The following SRFBP1 variants were observed in gnomAD, a reference collection of about 807,000 sequenced individuals.
SRFBP1 encodes serum response factor-binding protein 1.
Under a neutral mutation model 45.5 loss-of-function variants are expected in SRFBP1, and 47 were observed. The observed-to-expected ratio is 1.03, with a 90% CI of 0.82 to 1.32. The LOEUF is 1.32. Ranked by LOEUF, SRFBP1 falls within the 40% of genes most tolerant of loss-of-function variation. The pLI, the probability that SRFBP1 is intolerant of heterozygous loss-of-function variation, is 0.00. For synonymous variants in SRFBP1, 203 were observed against 166.3 expected, an observed-to-expected ratio of 1.22 and a Z score of -1.70; for missense variants, 621 against 484.6, an observed-to-expected ratio of 1.28 and a Z score of -2.64.
At chr5:121,990,017 C>T (rs1752589454) in intron 3 of SRFBP1, among the ~76,000 whole-genome samples, 1 of 152,086 alleles carries the variant, frequency 6.6e-6, no homozygotes, top group Admixed American at 6.5e-5. Flanking sequence ...TTTCCTCTCT[C>T]ACTAAGAAAT....
At chr5:122,025,753 G>A (rs1413640355) in intron 7 of SRFBP1, among the ~76,000 whole-genome samples, 2 of 152,168 alleles carry the variant, frequency 1.3e-5, no homozygotes, top group Non-Finnish European at 2.9e-5. Flanking sequence ...ATCCCAAACA[G>A]TGCACTGGTT....
chr5:121,974,379 G>C, intron 2 of SRFBP1, 95 bp downstream of exon 2: 1 of 819,062 alleles, frequency 1.2e-6, no homozygotes, highest in South Asian at 1.5e-5. Flanking sequence ...ATATAGAGAA[G>C]TAATTAAATG....
At chr5:122,076,417 T>A (rs1754632882), downstream of SRFBP1, among the ~76,000 whole-genome samples, 2 of 152,144 alleles carry the variant, frequency 1.3e-5, no homozygotes, top group Admixed American at 6.5e-5. Context: ...CTGGCTGAAG[T>A]AATACCAAAA....
intron 3 of SRFBP1, among the ~76,000 whole-genome samples, chr5:121,986,545 A>G (rs899196307): frequency 6.6e-6 from 1 of 152,030 alleles, no homozygotes. Flanking sequence ...CCCTAGTCTG[A>G]ACAACAAATA....
chr5:122,024,395 G>T (rs905703751), intron 7 of SRFBP1, among the ~76,000 whole-genome samples: 10 of 152,118 alleles, frequency 6.6e-5, no homozygotes, highest in African/African-American at 2.4e-4. Flanking sequence ...ACCAATTTTA[G>T]TATTATTCAT....
At chr5:122,057,461 G>C (rs574039892) in intron 2 of SRFBP1, among the ~76,000 whole-genome samples, 6 of 610 alleles carry the variant, frequency 9.8e-3, no homozygotes, top group African/African-American at 0.015. Context: ...TCTCAGTTCT[G>C]TGTGTGTGTG....
Position 121,983,159 on chromosome 5 carries a change from T to C in SRFBP1, c.198+7772T>C, listed in dbSNP as rs1473276743. Among the ~76,000 whole-genome samples, 3 of 151,694 alleles carry C rather than the reference T, an allele frequency of 2.0e-5. No individual in the cohort carries two copies. The South Asian group carries it at 6.2e-4, about 31-fold the overall frequency. On this transcript the variant is annotated intron_variant, in intron 3 of 7. Coordinates refer to ENST00000339397, the MANE Select transcript of SRFBP1 (RefSeq NM_152546.3). Reference sequence around the variant, plus strand: ...ATGTGATGTTCTTTTTGTTTTTTTTTCAACTGGATATCACCTCAATTTGGA... The same window carrying C: ...ATGTGATGTTCTTTTTGTTTTTTTTCCAACTGGATATCACCTCAATTTGGA...
downstream of SRFBP1, among the ~76,000 whole-genome samples, chr5:122,033,123 A>G (rs775563430): frequency 1.3e-5 from 2 of 149,676 alleles, no homozygotes; most frequent in African/African-American, 4.9e-5. Context: ...TTTTGTATCA[A>G]TTTTTTGAAT....
intron 4 of SRFBP1, 102 bp downstream of exon 4, chr5:121,994,772 T>C: frequency 1.4e-6 from 1 of 728,342 alleles, no homozygotes; most frequent in Non-Finnish European, 2.2e-6. Context: ...ATGCTATTAG[T>C]TTGTAATTAG....
At chr5:122,071,068 A>AT (rs60955306) in intron 2 of SRFBP1, among the ~76,000 whole-genome samples, 26,567 of 152,066 alleles carry the variant, frequency 0.17, 2,382 homozygotes, top group Admixed American at 0.19. Flanking sequence ...CTGCATTATA[A>AT]CATGCTATGT....
rs539030780 is a variant in SRFBP1 at position 122,034,332 on chromosome 5, G to A, written n.311+11925G>A. Among the ~76,000 whole-genome samples, 169 of 151,894 alleles carry A rather than the reference G, an allele frequency of 1.1e-3. 1 individual carries two copies. Among genetic ancestry groups the A allele is most frequent in the Middle Eastern group, 6.8e-3 (2 of 294 alleles). ...ATTTATTACATTTAGTCTGTTTTTC[G>A]TTATAATGTGTTTACTGTGCTCTTC... is the stretch of plus-strand genomic sequence containing the variant. On this transcript the variant is annotated intron_variant and non_coding_transcript_variant, in intron 2 of 2. Coordinates refer to the SRFBP1 transcript ENST00000504881.
chr5:121,976,924 T>C (rs771276310), intron 3 of SRFBP1, among the ~76,000 whole-genome samples: 8 of 151,754 alleles, frequency 5.3e-5, no homozygotes, highest in Non-Finnish European at 1.0e-4. Context: ...TGGTTTGTTA[T>C]ATATAATAAC....
At chr5:122,028,790 G>A (rs1467363571), downstream of SRFBP1, among the ~76,000 whole-genome samples, 1 of 152,154 alleles carries the variant, frequency 6.6e-6, no homozygotes, top group Non-Finnish European at 1.5e-5. Flanking sequence ...CCCAGAGTTT[G>A]CCAGACTGTG....
chr5:122,001,579 G>T (rs1752871999), intron 4 of SRFBP1, among the ~76,000 whole-genome samples: 1 of 136,918 alleles, frequency 7.3e-6, no homozygotes, highest in East Asian at 2.1e-4. Context: ...TTTTGAGACG[G>T]AGTCTCGCTC....
intron 2 of SRFBP1, among the ~76,000 whole-genome samples, chr5:122,055,797 T>A (rs1279602436): frequency 6.6e-6 from 1 of 152,192 alleles, no homozygotes; most frequent in Non-Finnish European, 1.5e-5. Flanking sequence ...GGATGGTTGC[T>A]ATTACCATTT....
chr5:122,016,198 C>T (rs1049619825), intron 4 of SRFBP1, among the ~76,000 whole-genome samples: 1 of 152,182 alleles, frequency 6.6e-6, no homozygotes, highest in Non-Finnish European at 1.5e-5. Flanking sequence ...CCTAAGTCTC[C>T]TGTCACCATC....
chr5:122,026,862 G>A, intron 7 of SRFBP1, 80 bp from the exon 8 acceptor site: 8 of 984,112 alleles, frequency 8.1e-6, no homozygotes, highest in Non-Finnish European at 9.8e-6. Context: ...TTTTAACATT[G>A]GTTTGAAAAA....
At chr5:122,041,171 C>T (rs1426695184) in intron 2 of SRFBP1, among the ~76,000 whole-genome samples, 2 of 152,040 alleles carry the variant, frequency 1.3e-5, no homozygotes, top group Non-Finnish European at 2.9e-5. Context: ...AGATAAGTGG[C>T]TTGGGCTTGA....
At chr5:122,049,104 G>T (rs1358759585) in intron 2 of SRFBP1, among the ~76,000 whole-genome samples, 1 of 151,958 alleles carries the variant, frequency 6.6e-6, no homozygotes, top group East Asian at 1.9e-4. Flanking sequence ...GAATGTGTTT[G>T]CTCTTGCTTC....
Sources: gnomAD v4.1 joint callset for allele counts (sites outside exome capture counted in the v4.1 genomes callset) on GRCh38, gnomAD v4.1.1 for gene constraint, MANE v1.5 for transcripts, NCBI Gene and HGNC (gene_info 2026-07-23, HGNC 2026-07-21) for gene names.